The following ONECUT3 variants were observed in gnomAD, a reference collection of about 807,000 sequenced individuals.
ONECUT3 encodes one cut domain family member 3.
Under a neutral mutation model 16.8 loss-of-function variants are expected in ONECUT3, and 11 were observed. The observed-to-expected ratio is 0.66, with a 90% CI of 0.41 to 1.09. The LOEUF (loss-of-function observed/expected upper bound fraction) is 1.09, where lower values mean the gene tolerates loss of function less well. Ranked by LOEUF, ONECUT3 falls within the 50% of genes least tolerant of loss-of-function variation. The pLI is 0.00. For synonymous variants in ONECUT3, 344 were observed against 310.7 expected (o/e 1.11, Z -1.13); for missense variants, 637 against 629.9 (o/e 1.01, Z -0.12).
intron 1 of ONECUT3, among the ~76,000 whole-genome samples, chr19:1,774,029 G>T (rs1051585825): frequency 2.0e-5 from 3 of 152,170 alleles, no homozygotes; most frequent in Admixed American, 1.3e-4. Context: ...CCAAGAGGAA[G>T]GGTGACCTGC....
rs545049035 is a variant in ONECUT3, at chr19:1,762,282, T to A, written c.1192+7428T>A. On this transcript the variant is annotated intron_variant, in intron 1 of 1. Transcript: ENST00000382349. This position sits in a 1 kb window ranked among gnomAD's most constrained non-coding sequence, Gnocchi z 4.4. The stretch of plus-strand genomic sequence containing the variant: ...CTCCTGCCCTCCTGCCCTCCTGCCC[T>A]CCTCTCTGGGAGTCGGGACAGAAGC... Among the ~76,000 whole-genome samples, 1 of 151,978 alleles carries A rather than the reference T, an allele frequency of 6.6e-6. No individual in the cohort carries two copies. Among genetic ancestry groups the A allele is most frequent in the Non-Finnish European group, 1.5e-5 (1 of 67,972 alleles).
rs1487762724 is a variant in ONECUT3, at chr19:1,775,447, G to A, written c.*2G>A. On this transcript the variant is annotated 3_prime_UTR_variant, in exon 2 of 2. Transcript: ENST00000382349. Reference sequence around the variant, plus strand: ...ACGGCCACTTTCTCCAAGGCCTGAGGCGCCCCGGCCCCGCGCCCTCCCTGC... The same window carrying A: ...ACGGCCACTTTCTCCAAGGCCTGAGACGCCCCGGCCCCGCGCCCTCCCTGC... The A allele has an allele frequency of 2.5e-5, 37 of 1,483,294 alleles. No homozygotes were observed. The highest frequency in any genetic ancestry group is 3.3e-5 in the Non-Finnish European group (37 of 1,122,020). 91.9% of individuals were successfully genotyped at this position (1,483,294 alleles called of 1,614,324 possible).
intron 1 of ONECUT3, among the ~76,000 whole-genome samples, chr19:1,770,637 A>C (rs1256583930): frequency 6.6e-6 from 1 of 152,210 alleles, no homozygotes; most frequent in Non-Finnish European, 1.5e-5. Flanking sequence ...GTGAGCGAGA[A>C]GGGCCTCCCT....
intron 1 of ONECUT3, among the ~76,000 whole-genome samples, chr19:1,757,963 G>A (rs1280152369): frequency 6.6e-6 from 1 of 152,182 alleles, no homozygotes; most frequent in East Asian, 1.9e-4. Flanking sequence ...CGAGCACCGC[G>A]GGCCTCCCCA....
At chr19:1,765,699 A>G (rs1337967375) in intron 1 of ONECUT3, among the ~76,000 whole-genome samples, 1 of 152,152 alleles carries the variant, frequency 6.6e-6, no homozygotes, top group Non-Finnish European at 1.5e-5. Flanking sequence ...GTGGGGACAC[A>G]GGGCTCTGGG....
Position 1,754,400 on chromosome 19 carries a change from G to A in ONECUT3, c.738G>A (p.Glu246=). The part of the protein sequence containing the change: ...GDKLLPPAAF[E]PHAALLGRAE... ...AGCTGCTGCCGCCCGCCGCCTTCGAGCCGCACGCCGCGCTGCTGGGACGCG... is the reference window on the plus strand; with the variant it reads ...AGCTGCTGCCGCCCGCCGCCTTCGAACCGCACGCCGCGCTGCTGGGACGCG... Residue 246 remains glutamate, a synonymous_variant, in exon 1 of 2, where the codon GAG becomes GAA. Coordinates refer to ENST00000382349, the MANE Select transcript of ONECUT3 (RefSeq NM_001080488.2). The surrounding 1 kb of genome is among the most constrained non-coding windows in gnomAD (Gnocchi z 7.4). 1.0e-5 allele frequency: 11 copies of A among 1,087,388 alleles called. No homozygotes were observed. The highest frequency in any genetic ancestry group is 1.0e-5 in the Non-Finnish European group (9 of 888,472). The allele number at this position is 1,087,388 out of a possible 1,614,324, so 67.4% of individuals were successfully genotyped here. A position where few individuals can be genotyped will look rare whatever the true frequency, so the allele number is the denominator to read the frequency against.
intron 1 of ONECUT3, among the ~76,000 whole-genome samples, chr19:1,761,310 C>T (rs2067945217): frequency 6.6e-6 from 1 of 152,156 alleles, no homozygotes; most frequent in Non-Finnish European, 1.5e-5. Flanking sequence ...ACCTCGGCCA[C>T]CCAAAGTGCT....
At chr19:1,757,296 A>G (rs1005296351) in intron 1 of ONECUT3, among the ~76,000 whole-genome samples, 1 of 152,156 alleles carries the variant, frequency 6.6e-6, no homozygotes, top group African/African-American at 2.4e-5. Flanking sequence ...TGCCACGGGG[A>G]GAGTTGCAGA....
chr19:1,770,269 TTTG>T (rs1406585673), intron 1 of ONECUT3, among the ~76,000 whole-genome samples: 1 of 152,122 alleles, frequency 6.6e-6, no homozygotes, highest in Non-Finnish European at 1.5e-5. Context: ...GTGGGGGTTT[TTTG>T]TTTTTTGTTT....
chr19:1,764,324 C>A lies in ONECUT3; in HGVS notation c.1192+9470C>A, dbSNP rs932986534. On this transcript the variant is annotated intron_variant, in intron 1 of 1. Transcript: ENST00000382349. The surrounding 1 kb of genome is among the most constrained non-coding windows in gnomAD (Gnocchi z 5.0). ...AGATGGAGCCACGAGGGAGGGACAG[C>A]CCGAGAGTCCAAGTGGAAATGCGTT... Among the ~76,000 whole-genome samples, 2 of 152,156 alleles carry A rather than the reference C, an allele frequency of 1.3e-5. No homozygotes were observed.
Position 1,753,758 on chromosome 19 carries a change from G to T in ONECUT3, c.96G>T (p.Ala32=), listed in dbSNP as rs966994699. The change falls in exon 1 of 2, where the codon GCG becomes GCT. Residue 32 remains alanine, a synonymous_variant. Transcript: ENST00000382349. ...GCCCGGGCCACGCGCGCTCGGCGGC[G>T]GCGCAGCACCGCGGCCTGGTGGCGC... ...LLSPGHARSA[A]AQHRGLVAPG... 4.0e-6 allele frequency: 4 copies of T among 1,007,942 alleles called. No individual in the cohort carries two copies. Among genetic ancestry groups the T allele is most frequent in the Non-Finnish European group, 4.7e-6 (4 of 846,506 alleles). The allele number at this position is 1,007,942 out of a possible 1,614,324, so 62.4% of individuals were successfully genotyped here. A position where few individuals can be genotyped will look rare whatever the true frequency, so the allele number is the denominator to read the frequency against.
Position 1,754,718 on chromosome 19 carries a change from T to C in ONECUT3, c.1056T>C (p.Ser352=). 1 of 1,547,762 alleles carries C rather than the reference T, an allele frequency of 6.5e-7. No homozygotes were observed. Among genetic ancestry groups the C allele is most frequent in the African/African-American group, 1.4e-5 (1 of 71,546 alleles). Residue 352 remains serine, a synonymous_variant, in exon 1 of 2, where the codon TCT becomes TCC. Transcript: ENST00000382349. This position sits in a 1 kb window ranked among gnomAD's most constrained non-coding sequence, Gnocchi z 7.4. The part of the protein sequence containing the change: ...AIFAQRILCR[S]QGTLSDLLRN... ...TCGCGCAGCGGATCCTGTGTCGCTC[T>C]CAGGGCACGCTCTCCGACCTGCTGC...
rs62130144 is a variant in ONECUT3, at chr19:1,776,122, G to A, written c.*677G>A. Reference sequence around the variant, plus strand: ...AAGAATCGCCTGCCTTAAAGTCTGGGGAGGGGCCTGCGGCGGGCGCCCAGC... The same window carrying A: ...AAGAATCGCCTGCCTTAAAGTCTGGAGAGGGGCCTGCGGCGGGCGCCCAGC... On this transcript the variant is annotated 3_prime_UTR_variant, in exon 2 of 2. Coordinates refer to ENST00000382349, the MANE Select transcript of ONECUT3 (RefSeq NM_001080488.2). This position sits in a 1 kb window ranked among gnomAD's most constrained non-coding sequence, Gnocchi z 4.9. 0.016 allele frequency: 2,488 copies of A among 152,356 alleles called. 37 individuals are homozygous for A. Among genetic ancestry groups the A allele is most frequent in the African/African-American group, 0.035 (1,448 of 41,552 alleles). The allele number at this position is 152,356 out of a possible 1,614,324, so 9.4% of individuals were successfully genotyped here.
In ONECUT3 at chr19:1,755,471, C is replaced by T. The variant is rs2067911905; in HGVS notation, c.1192+617C>T. ...CCTCCCTCTCCCCTCCGGCCGCTGG[C>T]AAAGGTCACCCGAGAATGGCGGGGG... On this transcript the variant is annotated intron_variant, in intron 1 of 1. Coordinates refer to ENST00000382349, the MANE Select transcript of ONECUT3 (RefSeq NM_001080488.2). The surrounding 1 kb of genome is among the most constrained non-coding windows in gnomAD (Gnocchi z 7.5). Among the ~76,000 whole-genome samples, 3 of 152,030 alleles carry T rather than the reference C, an allele frequency of 2.0e-5. 1 individual carries two copies. In the South Asian group the frequency reaches 6.2e-4, roughly 32 times the overall value.
Position 1,754,592 on chromosome 19 carries a change from C to A in ONECUT3, c.930C>A (p.Gly310=). The change falls in exon 1 of 2, where the codon GGC becomes GGA. Residue 310 remains glycine (G), a synonymous_variant. Transcript: ENST00000382349. This position sits in a 1 kb window ranked among gnomAD's most constrained non-coding sequence, Gnocchi z 7.4. The part of the protein sequence containing the change: ...GGGGGPGGSG[G]GPSAGAAAEE... ...GCGGCGGCCCCGGCGGGAGCGGCGG[C>A]GGCCCCAGCGCGGGCGCAGCGGCCG... 1 of 1,296,202 alleles carries A rather than the reference C, an allele frequency of 7.7e-7. No individual in the cohort carries two copies. Among genetic ancestry groups the A allele is most frequent in the Non-Finnish European group, 9.9e-7 (1 of 1,013,618 alleles). 80.3% of individuals were successfully genotyped at this position (1,296,202 alleles called of 1,614,324 possible).
At chr19:1,774,070 A>G (rs2068082233) in intron 1 of ONECUT3, among the ~76,000 whole-genome samples, 1 of 150,774 alleles carries the variant, frequency 6.6e-6, no homozygotes, top group South Asian at 2.1e-4. Context: ...TGGTCCCTGC[A>G]CTCTCCCCTC....
chr19:1,755,532 C>T lies in ONECUT3; in HGVS notation c.1192+678C>T, dbSNP rs2067912218. 6.6e-6 allele frequency among the ~76,000 whole-genome samples: 1 copy of T among 152,114 alleles called. No homozygotes were observed. Among genetic ancestry groups the T allele is most frequent in the Non-Finnish European group, 1.5e-5 (1 of 67,942 alleles). ...CCGGGGACCCTCGGCCCGCGCCGCC[C>T]GGAGGCCTTCACACCCCGACCCGGC... On this transcript the variant is annotated intron_variant, in intron 1 of 1. Transcript: ENST00000382349. This position sits in a 1 kb window ranked among gnomAD's most constrained non-coding sequence, Gnocchi z 7.5.
intron 1 of ONECUT3, among the ~76,000 whole-genome samples, chr19:1,760,315 A>G (rs1376046015): frequency 6.6e-6 from 1 of 151,792 alleles, no homozygotes; most frequent in East Asian, 1.9e-4. Flanking sequence ...GGAGATGCCC[A>G]GGCTCCCTGA....
At chr19:1,756,281 T>G (rs1323746480) in intron 1 of ONECUT3, among the ~76,000 whole-genome samples, 1 of 152,168 alleles carries the variant, frequency 6.6e-6, no homozygotes, top group East Asian at 1.9e-4. Flanking sequence ...AGCTGGAACC[T>G]CTTATGGGAT....
Sources: gnomAD v4.1 joint callset for allele counts (sites outside exome capture counted in the v4.1 genomes callset) on GRCh38, gnomAD v4.1.1 for gene constraint, Gnocchi (gnomAD v3.1) non-coding constraint, MANE v1.5 for transcripts, NCBI Gene and HGNC (gene_info 2026-07-23, HGNC 2026-07-21) for gene names.